DGKI: variants seen among roughly 807,000 people sequenced by gnomAD.
DGKI encodes diacylglycerol kinase iota.
Under a neutral mutation model 147.5 loss-of-function variants are expected in DGKI, and 55 were observed. The ratio of observed to expected loss-of-function variants is 0.37; its 90% CI spans 0.30 to 0.47. The LOEUF (loss-of-function observed/expected upper bound fraction) is 0.47, where lower values mean the gene tolerates loss of function less well. Among genes scored for constraint, DGKI ranks in the 20% least tolerant of loss-of-function variants. DGKI has a pLI of 1.00. For synonymous variants in DGKI, 469 were observed against 477.1 expected (o/e 0.98, Z 0.22); for missense variants, 1,007 against 1,323.8 (o/e 0.76, Z 3.71).
At chr7:137,741,995 A>G (rs1255185334) in intron 1 of DGKI, among the ~76,000 whole-genome samples, 1 of 152,222 alleles carries the variant, frequency 6.6e-6, no homozygotes, top group Non-Finnish European at 1.5e-5. Context: ...AGCTGGAGAA[A>G]AGTTATGAGT....
chr7:137,800,730 G>C (rs1797178419), intron 1 of DGKI, among the ~76,000 whole-genome samples: 1 of 152,186 alleles, frequency 6.6e-6, no homozygotes, highest in African/African-American at 2.4e-5. Context: ...GCAAAACAGA[G>C]ATTCAGCTGA....
At chr7:137,449,237 AT>A (rs1484006371) in intron 27 of DGKI, among the ~76,000 whole-genome samples, 1 of 152,192 alleles carries the variant, frequency 6.6e-6, no homozygotes, top group African/African-American at 2.4e-5. Context: ...ACCTCAAAAT[AT>A]TTGACAAAGC....
intron 1 of DGKI, among the ~76,000 whole-genome samples, chr7:137,696,934 T>C (rs1267335714): frequency 1.3e-5 from 2 of 152,040 alleles, no homozygotes; most frequent in Non-Finnish European, 1.5e-5. Flanking sequence ...GACACACACA[T>C]AGGGAGAAAG....
intron 1 of DGKI, among the ~76,000 whole-genome samples, chr7:137,780,786 T>C (rs1282145075): frequency 6.6e-6 from 1 of 152,258 alleles, no homozygotes; most frequent in South Asian, 2.1e-4. Context: ...ATAAACTGTT[T>C]ATAAAACTCA....
chr7:137,631,742 A>C (rs76573072), intron 6 of DGKI, among the ~76,000 whole-genome samples: 1,901 of 152,054 alleles, frequency 0.013, 32 homozygotes, highest in African/African-American at 0.044. Context: ...CAAAAAAAAA[A>C]TGAACCATGT....
At chr7:137,630,824 A>C (rs2129001668) in intron 6 of DGKI, among the ~76,000 whole-genome samples, 1 of 152,296 alleles carries the variant, frequency 6.6e-6, no homozygotes, top group Admixed American at 6.5e-5. Context: ...GTCCTAGAAC[A>C]CCAGGAAGGT....
intron 12 of DGKI, among the ~76,000 whole-genome samples, chr7:137,593,512 G>GT (rs1470737929): frequency 1.3e-5 from 2 of 152,236 alleles, no homozygotes; most frequent in Non-Finnish European, 2.9e-5. Context: ...TCTGACAGCT[G>GT]TAACTATGTG....
intron 28 of DGKI, among the ~76,000 whole-genome samples, chr7:137,432,175 A>G (rs1813104043): frequency 6.6e-6 from 1 of 152,164 alleles, no homozygotes; most frequent in African/African-American, 2.4e-5. Context: ...TGCGTCCTGT[A>G]TAGCCTGTGG....
chr7:137,800,663 G>C (rs751929195), intron 1 of DGKI, among the ~76,000 whole-genome samples: 2 of 152,146 alleles, frequency 1.3e-5, no homozygotes, highest in Non-Finnish European at 2.9e-5. Flanking sequence ...CTAACACAGA[G>C]TGAAATGTTT....
At chr7:137,841,545 ATAAT>A (rs1010662161) in intron 1 of DGKI, among the ~76,000 whole-genome samples, 6 of 152,214 alleles carry the variant, frequency 3.9e-5, no homozygotes, top group Non-Finnish European at 8.8e-5. Context: ...CTCAGGAAAA[ATAAT>A]TAGTCTCCAC....
At chr7:137,584,986 T>C (rs1819335378) in intron 14 of DGKI, among the ~76,000 whole-genome samples, 1 of 152,214 alleles carries the variant, frequency 6.6e-6, no homozygotes, top group African/African-American at 2.4e-5. Flanking sequence ...AAGAGCTCCC[T>C]GAGCTTTGGA....
chr7:137,487,531 G>T, intron 22 of DGKI, 79 bp downstream of exon 22: 2 of 1,293,188 alleles, frequency 1.5e-6, no homozygotes, highest in Non-Finnish European at 1.1e-6. Context: ...CATCATTTCA[G>T]AAGCAAATAT....
At chr7:137,615,448 A>G (rs1165921421) in intron 8 of DGKI, among the ~76,000 whole-genome samples, 1 of 151,998 alleles carries the variant, frequency 6.6e-6, no homozygotes, top group Non-Finnish European at 1.5e-5. Context: ...AACTGAATTC[A>G]ATTAAGAACA....
Position 137,406,930 on chromosome 7 carries a change from CAAAAAA to C in DGKI, c.2920+939_2920+944del, listed in dbSNP as rs3046570. 1.5e-4 allele frequency among the ~76,000 whole-genome samples: 14 copies of C among 92,556 alleles called. No individual in the cohort carries two copies. In the East Asian group the frequency reaches 3.5e-3, roughly 23 times the overall value. The allele number at this position is 92,556 out of a possible 152,430, so 60.7% of individuals were successfully genotyped here. The stretch of plus-strand genomic sequence containing the variant: ...GGAATAAGACATACTTGCTGAATTG[CAAAAAA>C]AAAAAAAAAAAAGGAGCAAAAAGGA... On this transcript the variant is annotated intron_variant, in intron 30 of 32. Coordinates refer to ENST00000614521, the MANE Select transcript of DGKI (RefSeq NM_001321708.2).
At chr7:137,578,678 A>G (rs1819072070) in intron 15 of DGKI, among the ~76,000 whole-genome samples, 1 of 152,210 alleles carries the variant, frequency 6.6e-6, no homozygotes, top group South Asian at 2.1e-4. Flanking sequence ...TCTCAAGCAC[A>G]TTAAAGATGG....
chr7:137,582,432 C>A (rs546590509), intron 14 of DGKI, among the ~76,000 whole-genome samples: 75 of 150,316 alleles, frequency 5.0e-4, no homozygotes, highest in Middle Eastern at 3.4e-3. Context: ...CTCTCTCTCT[C>A]TCTATATATA....
intron 3 of DGKI, among the ~76,000 whole-genome samples, chr7:137,664,377 C>CAAAAAAAAAAAAAAAAAAAAA (rs1190186766): frequency 2.7e-4 from 15 of 55,798 alleles, no homozygotes; most frequent in Non-Finnish European, 4.3e-4. Flanking sequence ...GACTCCATCT[C>CAAAAAAAAAAAAAAAAAAAAA]AAAAAAAAAA....
At chr7:137,592,522 T>C (rs570837918) in intron 12 of DGKI, among the ~76,000 whole-genome samples, 17 of 152,332 alleles carry the variant, frequency 1.1e-4, no homozygotes, top group African/African-American at 4.1e-4. Context: ...TTTTGAGCAA[T>C]ATTTTCATTC....
intron 3 of DGKI, among the ~76,000 whole-genome samples, chr7:137,664,742 T>C (rs2116315568): frequency 6.6e-6 from 1 of 152,214 alleles, no homozygotes; most frequent in African/African-American, 2.4e-5. Flanking sequence ...TGCCCAGCCC[T>C]GAAAAATTGT....
Sources: gnomAD v4.1 joint callset for allele counts (sites outside exome capture counted in the v4.1 genomes callset) on GRCh38, gnomAD v4.1.1 for gene constraint, MANE v1.5 for transcripts, NCBI Gene and HGNC (gene_info 2026-07-23, HGNC 2026-07-21) for gene names.